Variants in ADGRL3 observed in about 807,000 individuals in gnomAD.
ADGRL3 encodes adhesion G protein-coupled receptor L3.
Under a neutral mutation model 153.5 loss-of-function variants are expected in ADGRL3, and 62 were observed. The observed-to-expected ratio is 0.40, with a 90% confidence interval of 0.33 to 0.50. The LOEUF is 0.50. Ranked by LOEUF, ADGRL3 falls within the 20% of genes least tolerant of loss-of-function variation. The probability of loss-of-function intolerance (pLI) is 0.47; values close to 1 mark genes in which losing one functional copy is unlikely to be tolerated. For synonymous variants in ADGRL3, 710 were observed against 672.5 expected, an observed-to-expected ratio of 1.06 and a Z score of -0.86; for missense variants, 1,641 against 1,859.4, an observed-to-expected ratio of 0.88 and a Z score of 2.16.
chr4:61,946,156 C>G (rs887849582), intron 15 of ADGRL3, among the ~76,000 whole-genome samples: 2 of 152,274 alleles, frequency 1.3e-5, no homozygotes, highest in Admixed American at 1.3e-4. Context: ...TTTTTCCAAA[C>G]AGTTGAACTA....
Position 61,231,528 on chromosome 4 carries a change from T to A in ADGRL3, c.-240+29763T>A, listed in dbSNP as rs532128261. On this transcript the variant is annotated intron_variant, in intron 1 of 26. Coordinates refer to ENST00000683033, the MANE Select transcript of ADGRL3 (RefSeq NM_001387552.1). ...GAACACTGTAGTTTATTTCTACATC[T>A]CCATCCTTTCTTCTTCACCTGGCTG... Among the ~76,000 whole-genome samples the A allele has an allele frequency of 1.8e-4, 27 of 152,238 alleles. 1 individual carries two copies. In the South Asian group the frequency reaches 5.6e-3, roughly 32 times the overall value.
chr4:61,939,493 G>A (rs369343952), intron 15 of ADGRL3, among the ~76,000 whole-genome samples: 6 of 142,460 alleles, frequency 4.2e-5, no homozygotes, highest in East Asian at 2.1e-4. Flanking sequence ...TTTTTGAGAC[G>A]GAGTCTCACT....
intron 1 of ADGRL3, among the ~76,000 whole-genome samples, chr4:61,300,970 G>C (rs1359608313): frequency 1.3e-5 from 2 of 151,900 alleles, no homozygotes; most frequent in African/African-American, 4.8e-5. Flanking sequence ...TCACCATCTT[G>C]GCCAGTCTGG....
At position 61,939,020 on chromosome 4, in the gene ADGRL3, C is replaced by T. The variant is rs77513143; in HGVS notation, c.2419+2975C>T. On this transcript the variant is annotated intron_variant, in intron 15 of 26. Coordinates refer to ENST00000683033, the MANE Select transcript of ADGRL3 (RefSeq NM_001387552.1). ...TTGGGGCCAGAAATAAGATATAGGG[C>T]TTGACTTTTTAAAGTAAAGGAAATA... is the stretch of plus-strand genomic sequence containing the variant. Among the ~76,000 whole-genome samples the T allele has an allele frequency of 1.9e-4, 29 of 151,752 alleles. No homozygotes were observed. In the East Asian group the frequency reaches 4.9e-3, roughly 25 times the overall value.
At chr4:61,935,065 A>G (rs749613705) in intron 14 of ADGRL3, 42 bp downstream of exon 14, 3 of 1,554,712 alleles carry the variant, frequency 1.9e-6, no homozygotes, top group Non-Finnish European at 2.7e-6. Context: ...ACACTCTTGT[A>G]TATCAGAAGA....
intron 5 of ADGRL3, among the ~76,000 whole-genome samples, chr4:61,626,573 G>A (rs1053131950): frequency 1.3e-5 from 2 of 151,818 alleles, no homozygotes; most frequent in South Asian, 2.1e-4. Context: ...TTAAGCCCAA[G>A]GATATGTTTC....
intron 19 of ADGRL3, among the ~76,000 whole-genome samples, chr4:61,993,803 G>T (rs2099112301): frequency 6.6e-6 from 1 of 151,746 alleles, no homozygotes; most frequent in Admixed American, 6.6e-5. Context: ...TGGTCAGAAT[G>T]AAGACAATGT....
At chr4:61,421,790 T>C (rs1231526718) in intron 2 of ADGRL3, among the ~76,000 whole-genome samples, 3 of 152,246 alleles carry the variant, frequency 2.0e-5, no homozygotes, top group Admixed American at 6.5e-5. Context: ...ATGGATACAA[T>C]TGATGCCCAT....
intron 1 of ADGRL3, among the ~76,000 whole-genome samples, chr4:61,225,271 G>A (rs562294219): frequency 1.1e-4 from 17 of 152,238 alleles, no homozygotes; most frequent in South Asian, 6.2e-4. Context: ...TACCTATGCC[G>A]CTTCCTGGAT....
At chr4:61,790,551 G>A (rs569141348) in intron 8 of ADGRL3, among the ~76,000 whole-genome samples, 27 of 152,236 alleles carry the variant, frequency 1.8e-4, no homozygotes, top group Admixed American at 9.8e-4. Context: ...TGTAATAAAA[G>A]TTATATTAAT....
rs980636050 is a variant in ADGRL3 at position 61,973,147 on chromosome 4, A to G, written c.2806-6416A>G. Among the ~76,000 whole-genome samples, 11 of 152,016 alleles carry G rather than the reference A, an allele frequency of 7.2e-5. No individual in the cohort carries two copies. The East Asian group carries it at 2.1e-3, about 29-fold the overall frequency. ...CGTTTGCTGACTTGCTTTTTTGACA[A>G]TAAAGTTAGAAATATCAACAGTTTC... On this transcript the variant is annotated intron_variant, in intron 17 of 26. Coordinates refer to ENST00000683033, the MANE Select transcript of ADGRL3 (RefSeq NM_001387552.1).
At chr4:61,606,701 A>G (rs1387829337) in intron 5 of ADGRL3, among the ~76,000 whole-genome samples, 5 of 152,134 alleles carry the variant, frequency 3.3e-5, no homozygotes, top group Admixed American at 6.6e-5. Context: ...AGAGGGGACA[A>G]TTTAGTCCAT....
chr4:61,376,159 A>G (rs1026864964), intron 1 of ADGRL3, among the ~76,000 whole-genome samples: 1 of 152,166 alleles, frequency 6.6e-6, no homozygotes, highest in Non-Finnish European at 1.5e-5. Flanking sequence ...GTACTGTTTA[A>G]CAATTATTAT....
chr4:61,975,147 A>C lies in ADGRL3; in HGVS notation c.2806-4416A>C, dbSNP rs557536733. Among the ~76,000 whole-genome samples the C allele has an allele frequency of 4.8e-4, 73 of 152,302 alleles. 1 individual carries two copies. The highest frequency in any genetic ancestry group is 8.5e-4 in the Non-Finnish European group (58 of 68,024). On this transcript the variant is annotated intron_variant, in intron 17 of 26. Transcript: ENST00000683033. Reference sequence around the variant, plus strand: ...CAGAAAATAAGTAGAAAAAATATTAAAATATATAGTTTAAGTAAGTGATAA... The same window carrying C: ...CAGAAAATAAGTAGAAAAAATATTACAATATATAGTTTAAGTAAGTGATAA...
chr4:61,245,351 T>C (rs1756631261), intron 1 of ADGRL3, among the ~76,000 whole-genome samples: 1 of 152,024 alleles, frequency 6.6e-6, no homozygotes, highest in Non-Finnish European at 1.5e-5. Context: ...TTTCCTGAAA[T>C]ACATTTAAAA....
intron 8 of ADGRL3, among the ~76,000 whole-genome samples, chr4:61,757,990 T>A (rs1218127016): frequency 6.6e-6 from 1 of 152,206 alleles, no homozygotes; most frequent in Non-Finnish European, 1.5e-5. Flanking sequence ...GAGAGACAGT[T>A]AGTTATAATT....
intron 15 of ADGRL3, among the ~76,000 whole-genome samples, chr4:61,938,350 A>G (rs1478298725): frequency 1.3e-5 from 2 of 152,240 alleles, no homozygotes; most frequent in Admixed American, 6.5e-5. Flanking sequence ...GTTATAACAG[A>G]TAAGTCTTTA....
chr4:61,722,228 A>C (rs2096254905), intron 6 of ADGRL3, among the ~76,000 whole-genome samples: 1 of 152,204 alleles, frequency 6.6e-6, no homozygotes, highest in Non-Finnish European at 1.5e-5. Flanking sequence ...TGACAAGATA[A>C]ACCTTTAGCT....
intron 3 of ADGRL3, among the ~76,000 whole-genome samples, chr4:61,500,609 T>A (rs2098377275): frequency 6.6e-6 from 1 of 152,142 alleles, no homozygotes. Flanking sequence ...CTTGCTACTG[T>A]TATTGAGATG....
Sources: gnomAD v4.1 joint callset for allele counts (sites outside exome capture counted in the v4.1 genomes callset) on GRCh38, gnomAD v4.1.1 for gene constraint, MANE v1.5 for transcripts, NCBI Gene and HGNC (gene_info 2026-07-23, HGNC 2026-07-21) for gene names.